The following POSTN variants were observed in gnomAD, a reference collection of about 807,000 sequenced individuals.
The protein encoded by POSTN is periostin.
Under a neutral mutation model 104.5 loss-of-function variants are expected in POSTN, and 71 were observed. The observed-to-expected ratio is 0.68, with a 90% confidence interval of 0.56 to 0.83. The LOEUF is 0.83. POSTN is among the 40% of genes least tolerant of loss of function. The pLI is 0.00. For missense variants in POSTN, 949 were observed against 1,006.8 expected (o/e 0.94, Z 0.78); for synonymous variants, 355 against 340.7 (o/e 1.04, Z -0.46).
chr13:37,569,214 G>GA (rs1950194438), intron 21 of POSTN, 86 bp downstream of exon 21: 4 of 897,974 alleles, frequency 4.5e-6, no homozygotes, highest in East Asian at 5.2e-5. Context: ...CCAATTAAAA[G>GA]AAAAAATCTG....
At chr13:37,597,366 A>G in intron 1 of POSTN, 84 bp from the exon 2 acceptor site, 1 of 801,976 alleles carries the variant, frequency 1.2e-6, no homozygotes. Flanking sequence ...ATAGAAGAAA[A>G]TGTTGAGATG....
At chr13:37,566,225 A>G (rs1228705397) in intron 21 of POSTN, among the ~76,000 whole-genome samples, 1 of 152,204 alleles carries the variant, frequency 6.6e-6, no homozygotes, top group Non-Finnish European at 1.5e-5. Context: ...AGAGCAGCAA[A>G]ACATGGGAAG....
chr13:37,580,363 C>T (rs1442948640), intron 11 of POSTN, among the ~76,000 whole-genome samples, 198 bp downstream of exon 11: 1 of 152,176 alleles, frequency 6.6e-6, no homozygotes, highest in Non-Finnish European at 1.5e-5. Flanking sequence ...TTTGTTTTCA[C>T]ACATGAAATC....
At chr13:37,595,546 T>A (rs1951059875) in intron 2 of POSTN, among the ~76,000 whole-genome samples, 1 of 152,230 alleles carries the variant, frequency 6.6e-6, no homozygotes, top group African/African-American at 2.4e-5. Flanking sequence ...CTTAAATGCC[T>A]TGTATACATG....
intron 17 of POSTN, among the ~76,000 whole-genome samples, chr13:37,574,035 A>G (rs1177468033): frequency 4.3e-4 from 65 of 151,798 alleles, no homozygotes; most frequent in Admixed American, 4.3e-3. Context: ...CACTGCATAA[A>G]CTACTCATTT....
chr13:37,579,408 T>G, intron 12 of POSTN, 49 bp from the exon 13 acceptor site: 3 of 1,430,942 alleles, frequency 2.1e-6, no homozygotes, highest in Non-Finnish European at 2.9e-6. Context: ...GACTTTTTGA[T>G]AAGGACTAAG....
chr13:37,598,530 G>C (rs1566041329), intron 1 of POSTN, 78 bp downstream of exon 1: 2 of 1,354,538 alleles, frequency 1.5e-6, no homozygotes, highest in African/African-American at 2.9e-5. Context: ...GCATATATGA[G>C]AAACTTTATG....
At chr13:37,581,993 G>A (rs1950603157) in intron 10 of POSTN, among the ~76,000 whole-genome samples, 1 of 152,102 alleles carries the variant, frequency 6.6e-6, no homozygotes, top group Admixed American at 6.5e-5. Context: ...ATTTCTTATT[G>A]CAAACAATCA....
chr13:37,569,365 T>C lies in POSTN; in HGVS notation c.2366A>G (p.Lys789Arg). Residue 789 changes from lysine to arginine, a missense_variant, in exon 21 of 23, where the codon AAA becomes AGA. Coordinates refer to ENST00000379747, the MANE Select transcript of POSTN (RefSeq NM_006475.3). ...LLQEEVTKVT[K>R]FIEGGDGHLF... ...ATGACCATCACCACCTTCAATGAAT[T>C]TGGTGACCTTGGTGACCTCTGAGAG... 1.2e-6 allele frequency: 2 copies of C among 1,612,026 alleles called. No individual in the cohort carries two copies. The highest frequency in any genetic ancestry group is 1.1e-5 in the South Asian group (1 of 91,012).
In POSTN at chr13:37,586,121, A is replaced by T. The variant is rs200260205; in HGVS notation, c.895+18T>A. 6.2e-7 allele frequency: 1 copy of T among 1,603,674 alleles called. No homozygotes were observed. Among genetic ancestry groups the T allele is most frequent in the Non-Finnish European group, 8.5e-7 (1 of 1,174,146 alleles). On this transcript the variant is annotated intron_variant, in intron 7 of 22. Coordinates refer to ENST00000379747, the MANE Select transcript of POSTN (RefSeq NM_006475.3). ...CAGAATGCTGGGAGACTCCTTAGAG[A>T]TGAAGACATTAAACTACCTTCGGAA...
intron 17 of POSTN, among the ~76,000 whole-genome samples, chr13:37,574,114 T>C (rs1950333442): frequency 1.3e-5 from 2 of 151,806 alleles, no homozygotes; most frequent in South Asian, 4.1e-4. Context: ...AAGCTTTCAG[T>C]AAACATAGCT....
intron 6 of POSTN, 42 bp downstream of exon 6, chr13:37,586,740 G>A (rs2138328144): frequency 1.3e-6 from 2 of 1,547,202 alleles, no homozygotes; most frequent in Middle Eastern, 1.7e-4. Flanking sequence ...AGGAGAAGAA[G>A]AGGGATTTCA....
At chr13:37,580,087 A>C in intron 11 of POSTN, 96 bp from the exon 12 acceptor site, 1 of 1,179,552 alleles carries the variant, frequency 8.5e-7, no homozygotes, top group Non-Finnish European at 1.2e-6. Flanking sequence ...GTATTGTGGA[A>C]AGCATGAGAG....
rs757139505 is a variant in POSTN, at chr13:37,590,462, A to G, written c.351T>C (p.Ser117=). 1.6e-5 allele frequency: 26 copies of G among 1,613,564 alleles called. No individual in the cohort carries two copies. The South Asian group carries it at 2.6e-4, about 16-fold the overall frequency. ...TCTCCTCCCTCAGTTTTGAGGCGTC[A>G]GAATAGCGCTGCGTTGTGGTGGCTC... ...IVGATTTQRY[S]DASKLREEIE... The change falls in exon 4 of 23, where the codon TCT becomes TCC. Residue 117 remains serine, a synonymous_variant. Transcript: ENST00000379747.
intron 21 of POSTN, among the ~76,000 whole-genome samples, chr13:37,566,106 TCAAA>T (rs1325296937): frequency 3.9e-5 from 6 of 152,154 alleles, no homozygotes; most frequent in African/African-American, 1.4e-4. Context: ...ATTCAATGTG[TCAAA>T]CAAATACTTT....
intron 17 of POSTN, among the ~76,000 whole-genome samples, chr13:37,574,180 G>A (rs192312818): frequency 6.7e-6 from 1 of 149,686 alleles, no homozygotes; most frequent in African/African-American, 2.4e-5. Flanking sequence ...TTTTTTGGAA[G>A]AGCTTCTTGC....
chr13:37,575,777 C>A (rs964963611), intron 16 of POSTN, among the ~76,000 whole-genome samples: 1 of 152,060 alleles, frequency 6.6e-6, no homozygotes, highest in Non-Finnish European at 1.5e-5. Flanking sequence ...CCTTCATAGA[C>A]CCTGTGTTTC....
Position 37,592,087 on chromosome 13 carries a change from A to G in POSTN, c.283+13T>C. On this transcript the variant is annotated intron_variant, in intron 3 of 22. Coordinates refer to ENST00000379747, the MANE Select transcript of POSTN (RefSeq NM_006475.3). The stretch of plus-strand genomic sequence containing the variant: ...TATAATTCCTTATTTAATTCAAAAA[A>G]TTGAGATTTTACCTGCTGGGCAGCC... 6.3e-7 allele frequency: 1 copy of G among 1,587,680 alleles called. No homozygotes were observed. Among genetic ancestry groups the G allele is most frequent in the South Asian group, 1.1e-5 (1 of 90,038 alleles).
At chr13:37,586,731 G>C in intron 6 of POSTN, 51 bp downstream of exon 6, 1 of 1,515,664 alleles carries the variant, frequency 6.6e-7, no homozygotes, top group Non-Finnish European at 8.9e-7. Context: ...GATTTTGACA[G>C]GAGAAGAAGA....
Sources: allele counts gnomAD v4.1 joint callset (sites outside exome capture counted in the v4.1 genomes callset), GRCh38; gene constraint gnomAD v4.1.1; transcripts MANE v1.5; gene names NCBI Gene and HGNC (gene_info 2026-07-23, HGNC 2026-07-21).